Variants in BICC1 observed in about 807,000 individuals in gnomAD.
The protein encoded by BICC1 is protein bicaudal C homolog 1.
BICC1 carries 43 observed loss-of-function variants against 111.0 expected under a neutral mutation model. The ratio of observed to expected loss-of-function variants is 0.39; its 90% CI spans 0.30 to 0.50. BICC1 has a LOEUF of 0.50. BICC1 is among the 20% of genes least tolerant of loss of function. The pLI is 0.88. For missense variants in BICC1, 1,091 were observed against 1,203.2 expected, an observed-to-expected ratio of 0.91 and a Z score of 1.38; for synonymous variants, 467 against 434.4, an observed-to-expected ratio of 1.07 and a Z score of -0.93.
intron 1 of BICC1, among the ~76,000 whole-genome samples, chr10:58,619,504 C>G (rs1037303062): frequency 2.8e-4 from 37 of 133,322 alleles, no homozygotes; most frequent in African/African-American, 1.1e-3. Flanking sequence ...TTGAGAGAGT[C>G]TTACTCTGTC....
chr10:58,803,960 G>A (rs1022284296), intron 15 of BICC1, among the ~76,000 whole-genome samples: 2 of 152,162 alleles, frequency 1.3e-5, no homozygotes, highest in East Asian at 3.9e-4. Flanking sequence ...GAATTGCTGA[G>A]TAGACTTACC....
chr10:58,769,425 T>TATATATATATATATATATAA lies in BICC1; in HGVS notation c.308-15575_308-15574insTATATATATATATATATAAA, dbSNP rs1385104345. On this transcript the variant is annotated intron_variant, in intron 3 of 20. Coordinates refer to ENST00000373886, the MANE Select transcript of BICC1 (RefSeq NM_001080512.3). ...GTGTGTATATATATATATATATATA[T>TATATATATATATATATATAA]AATCACAGTATATATCTTTAATAGA... Among the ~76,000 whole-genome samples the TATATATATATATATATATAA allele has an allele frequency of 2.1e-5, 3 of 145,034 alleles. No homozygotes were observed. In the East Asian group the frequency reaches 6.1e-4, roughly 30 times the overall value.
chr10:58,539,692 A>G (rs775476378), intron 1 of BICC1, among the ~76,000 whole-genome samples: 6 of 151,984 alleles, frequency 3.9e-5, no homozygotes, highest in Non-Finnish European at 8.8e-5. Context: ...TAACATAATA[A>G]TAATAGAATA....
intron 3 of BICC1, among the ~76,000 whole-genome samples, chr10:58,748,524 G>A (rs778028415): frequency 3.3e-5 from 5 of 151,986 alleles, no homozygotes; most frequent in Non-Finnish European, 5.9e-5. Flanking sequence ...GTTTGTACAC[G>A]TGGTTCAGAA....
chr10:58,730,803 C>A (rs73299805), intron 3 of BICC1, among the ~76,000 whole-genome samples: 5,638 of 152,116 alleles, frequency 0.037, 392 homozygotes, highest in African/African-American at 0.13. Context: ...GCTGGGGCAA[C>A]AGGGATACTG....
At position 58,800,891 on chromosome 10, in the gene BICC1, T is replaced by C; in HGVS notation, c.1860T>C (p.Gly620=). 1 of 1,593,256 alleles carries C rather than the reference T, an allele frequency of 6.3e-7. No homozygotes were observed. Among genetic ancestry groups the C allele is most frequent in the African/African-American group, 1.4e-5 (1 of 73,756 alleles). ...QTSPKSSPTE[G]CNDAFVEVGM... The stretch of plus-strand genomic sequence containing the variant: ...CTTTTTTTTCCTTTTCCTCTGCAGG[T>C]TGTAATGATGCTTTTGTTGAAGTAG... The change falls in exon 14 of 21, where the codon GGT becomes GGC. Residue 620 remains glycine, a splice_region_variant and synonymous_variant. Transcript: ENST00000373886.
At chr10:58,703,053 T>C (rs1840285849) in intron 3 of BICC1, among the ~76,000 whole-genome samples, 1 of 152,190 alleles carries the variant, frequency 6.6e-6, no homozygotes, top group African/African-American at 2.4e-5. Context: ...TTTAATTGCA[T>C]TTCGTTAGAG....
chr10:58,795,153 T>G (rs1442156657), intron 9 of BICC1, among the ~76,000 whole-genome samples: 2 of 152,166 alleles, frequency 1.3e-5, no homozygotes, highest in Non-Finnish European at 2.9e-5. Context: ...AATAACACCA[T>G]TTTTAAATTT....
At chr10:58,540,293 T>A (rs1842926343) in intron 1 of BICC1, among the ~76,000 whole-genome samples, 1 of 122,118 alleles carries the variant, frequency 8.2e-6, no homozygotes, top group Non-Finnish European at 1.8e-5. Flanking sequence ...AAATAGATAA[T>A]AGAAAAAGAG....
intron 1 of BICC1, among the ~76,000 whole-genome samples, chr10:58,618,453 G>A (rs1475165742): frequency 1.3e-5 from 2 of 152,338 alleles, no homozygotes; most frequent in East Asian, 3.9e-4. Context: ...TCCTGCTGAC[G>A]CTGTACATAT....
chr10:58,789,907 G>C lies in BICC1; in HGVS notation c.1021G>C (p.Val341Leu). Residue 341 changes from valine (V) to leucine (L), a missense_variant, in exon 8 of 21, where the codon GTC becomes CTC. By Grantham distance (32) the Val-to-Leu change is conservative. Transcript: ENST00000373886. ...CTACCTCCAGGGCACCATTGAGTCT[G>C]TCTGTCTTGCAAGGCAATATCTCAT... ...TVYLQGTIESVCLARQYLMGC... is the reference protein window; with the variant it reads ...TVYLQGTIESLCLARQYLMGC... The C allele has an allele frequency of 6.2e-7, 1 of 1,614,136 alleles. No homozygotes were observed. Among genetic ancestry groups the C allele is most frequent in the Non-Finnish European group, 8.5e-7 (1 of 1,180,022 alleles).
intron 3 of BICC1, among the ~76,000 whole-genome samples, chr10:58,724,580 C>T (rs914847635): frequency 6.6e-6 from 1 of 152,154 alleles, no homozygotes; most frequent in African/African-American, 2.4e-5. Context: ...TACAGGATTC[C>T]TTGGAGTCAT....
At position 58,813,905 on chromosome 10, in the gene BICC1, G is replaced by A. The variant is rs773272305; in HGVS notation, c.2452G>A (p.Asp818Asn). ...GGGSESDNWR[D>N]RNGIGPGSHS... is the part of the protein sequence containing the mutation. Reference sequence around the variant, plus strand: ...TGGAAGCGAATCTGATAACTGGAGAGACCGAAATGGAATTGGACCTGGAAG... The same window carrying A: ...TGGAAGCGAATCTGATAACTGGAGAAACCGAAATGGAATTGGACCTGGAAG... Residue 818 changes from aspartate (D) to asparagine (N), a missense_variant, in exon 18 of 21, where the codon GAC (aspartate) becomes AAC (asparagine). Physicochemically the swap from Asp to Asn is conservative, Grantham distance 23. Coordinates refer to ENST00000373886, the MANE Select transcript of BICC1 (RefSeq NM_001080512.3). 6.2e-7 allele frequency: 1 copy of A among 1,614,036 alleles called. No individual in the cohort carries two copies. The highest frequency in any genetic ancestry group is 1.7e-5 in the Admixed American group (1 of 60,014).
intron 3 of BICC1, among the ~76,000 whole-genome samples, chr10:58,753,249 G>A (rs1259735485): frequency 1.3e-5 from 2 of 152,090 alleles, no homozygotes; most frequent in African/African-American, 4.8e-5. Flanking sequence ...GTTTTCTGCA[G>A]ACCCAATTTA....
intron 1 of BICC1, among the ~76,000 whole-genome samples, chr10:58,608,489 C>T (rs1455310155): frequency 6.6e-6 from 1 of 152,182 alleles, no homozygotes; most frequent in Non-Finnish European, 1.5e-5. Context: ...AATTCCCTTT[C>T]CCCATGTCCT....
chr10:58,708,964 A>T (rs1347899333), intron 3 of BICC1, among the ~76,000 whole-genome samples: 1 of 152,180 alleles, frequency 6.6e-6, no homozygotes, highest in African/African-American at 2.4e-5. Flanking sequence ...TCTTACCCTT[A>T]CTATCTGCCT....
At chr10:58,605,528 A>G (rs1194594399) in intron 1 of BICC1, among the ~76,000 whole-genome samples, 1 of 152,182 alleles carries the variant, frequency 6.6e-6, no homozygotes, top group East Asian at 1.9e-4. Context: ...TTTGGTGTCT[A>G]TGGGGGATTT....
chr10:58,685,823 G>A (rs2132386038), intron 2 of BICC1, among the ~76,000 whole-genome samples: 1 of 152,194 alleles, frequency 6.6e-6, no homozygotes. Flanking sequence ...TATCCAATTT[G>A]CCAGTCTGTG....
At chr10:58,564,083 A>AT (rs1305586202) in intron 1 of BICC1, among the ~76,000 whole-genome samples, 3 of 152,310 alleles carry the variant, frequency 2.0e-5, no homozygotes, top group South Asian at 4.1e-4. Context: ...AATTTAAAAT[A>AT]TTTTTTGTTT....
Sources: allele counts gnomAD v4.1 joint callset (sites outside exome capture counted in the v4.1 genomes callset), GRCh38; gene constraint gnomAD v4.1.1; transcripts MANE v1.5; gene names NCBI Gene and HGNC (gene_info 2026-07-23, HGNC 2026-07-21).